ST3GAL3: variants seen among roughly 807,000 people sequenced by gnomAD.
The protein encoded by ST3GAL3 is CMP-N-acetylneuraminate-beta-1,4-galactoside alpha-2,3-sialyltransferase.
ST3GAL3 carries 21 observed loss-of-function variants against 50.1 expected under a neutral mutation model. The ratio of observed to expected loss-of-function variants is 0.42; its 90% CI spans 0.30 to 0.60. The LOEUF is 0.60. ST3GAL3 is among the 20% of genes least tolerant of loss of function. The probability of loss-of-function intolerance (pLI) is 0.19; values close to 1 mark genes in which losing one functional copy is unlikely to be tolerated. For synonymous variants in ST3GAL3, 183 were observed against 190.0 expected, an observed-to-expected ratio of 0.96 and a Z score of 0.30; for missense variants, 353 against 489.4, an observed-to-expected ratio of 0.72 and a Z score of 2.63.
intron 1 of ST3GAL3, among the ~76,000 whole-genome samples, chr1:43,734,309 T>A (rs1486586761): frequency 1.8e-5 from 1 of 54,592 alleles, no homozygotes; most frequent in Non-Finnish European, 3.6e-5. Flanking sequence ...TTTTTTTTTG[T>A]TTTTTTTTTT....
rs1036361309 is a variant in ST3GAL3, at chr1:43,829,996, T to A, written c.210-8223T>A. Among the ~76,000 whole-genome samples, 4 of 9,546 alleles carry A rather than the reference T, an allele frequency of 4.2e-4. No homozygotes were observed. In the East Asian group the frequency reaches 0.022, roughly 54 times the overall value. 6.3% of individuals were successfully genotyped at this position (9,546 alleles called of 152,430 possible). On this transcript the variant is annotated intron_variant, in intron 4 of 11. Transcript: ENST00000347631. Reference sequence around the variant, plus strand: ...AACCCACTGCAAGCATAAAAATTCCTTTTTTTTTTTTTTTTTTTTTTTTTT... The same window carrying A: ...AACCCACTGCAAGCATAAAAATTCCATTTTTTTTTTTTTTTTTTTTTTTTT...
At chr1:43,744,702 A>T (rs1226272602) in intron 2 of ST3GAL3, among the ~76,000 whole-genome samples, 13 of 148,156 alleles carry the variant, frequency 8.8e-5, no homozygotes, top group East Asian at 4.0e-4. Flanking sequence ...TAAAATAAAA[A>T]ATAAAATAAA....
At chr1:43,864,382 A>C (rs984637944) in intron 5 of ST3GAL3, among the ~76,000 whole-genome samples, 26 of 152,314 alleles carry the variant, frequency 1.7e-4, no homozygotes, top group African/African-American at 6.3e-4. Flanking sequence ...CCCTAACCAA[A>C]CTGCAGGCAG....
chr1:43,918,942 C>T (rs1383301965), intron 9 of ST3GAL3, among the ~76,000 whole-genome samples: 1 of 151,782 alleles, frequency 6.6e-6, no homozygotes, highest in African/African-American at 2.4e-5. Context: ...TTTTTTGTTA[C>T]GATTGCAAAT....
intron 2 of ST3GAL3, among the ~76,000 whole-genome samples, chr1:43,781,646 G>T (rs1699387064): frequency 6.6e-6 from 1 of 151,874 alleles, no homozygotes; most frequent in East Asian, 1.9e-4. Context: ...TTAAAGGGTT[G>T]CTAAGCAAAA....
chr1:43,728,953 G>A (rs1214113444), intron 1 of ST3GAL3, among the ~76,000 whole-genome samples: 1 of 152,074 alleles, frequency 6.6e-6, no homozygotes, highest in East Asian at 1.9e-4. Context: ...GCAGTTGCAT[G>A]TTCTCAGCTC....
chr1:43,804,043 G>T (rs1003435855), intron 3 of ST3GAL3, among the ~76,000 whole-genome samples: 1 of 152,208 alleles, frequency 6.6e-6, no homozygotes, highest in African/African-American at 2.4e-5. Flanking sequence ...GAATATGAGT[G>T]CATATTGTGC....
intron 2 of ST3GAL3, among the ~76,000 whole-genome samples, chr1:43,749,281 C>T (rs188689251): frequency 6.6e-6 from 1 of 152,256 alleles, no homozygotes; most frequent in African/African-American, 2.4e-5. Context: ...GCACAAAAAG[C>T]ATTAACCATA....
chr1:43,763,830 A>G (rs1348957763), intron 2 of ST3GAL3, among the ~76,000 whole-genome samples: 2 of 152,148 alleles, frequency 1.3e-5, no homozygotes, highest in Non-Finnish European at 2.9e-5. Flanking sequence ...CTTATGTTCC[A>G]GGCTCCCCTG....
chr1:43,838,506 C>T, intron 5 of ST3GAL3, 195 bp downstream of exon 5: 2 of 598,216 alleles, frequency 3.3e-6, no homozygotes, highest in Non-Finnish European at 6.2e-6. Context: ...CCCATCCTGC[C>T]TCTGGAGCTT....
intron 5 of ST3GAL3, among the ~76,000 whole-genome samples, chr1:43,852,517 T>G (rs2067525223): frequency 6.6e-6 from 1 of 152,210 alleles, no homozygotes; most frequent in African/African-American, 2.4e-5. Flanking sequence ...AGAGGCATGG[T>G]CTATTCATGG....
intron 4 of ST3GAL3, among the ~76,000 whole-genome samples, chr1:43,831,202 G>T (rs984932966): frequency 4.6e-5 from 7 of 152,182 alleles, no homozygotes; most frequent in Non-Finnish European, 7.3e-5. Flanking sequence ...GAAAGTAGGG[G>T]CTTTGGGAAG....
chr1:43,792,265 G>T, intron 3 of ST3GAL3, 116 bp downstream of exon 3: 1 of 1,358,082 alleles, frequency 7.4e-7, no homozygotes. Flanking sequence ...CCAGAATTGG[G>T]GGAAGTCTCA....
chr1:43,811,207 C>A (rs1177732874), intron 3 of ST3GAL3, among the ~76,000 whole-genome samples: 1 of 152,144 alleles, frequency 6.6e-6, no homozygotes, highest in Non-Finnish European at 1.5e-5. Flanking sequence ...CTCACAGTGC[C>A]GGCAGGTGCC....
At chr1:43,902,764 C>T (rs968663224) in intron 9 of ST3GAL3, among the ~76,000 whole-genome samples, 8 of 152,186 alleles carry the variant, frequency 5.3e-5, no homozygotes, top group African/African-American at 1.7e-4. Context: ...AGCTCCGGTG[C>T]AGGTCTTCTC....
chr1:43,855,380 C>T (rs1022829605), intron 5 of ST3GAL3, among the ~76,000 whole-genome samples: 5 of 152,118 alleles, frequency 3.3e-5, no homozygotes, highest in South Asian at 2.1e-4. Flanking sequence ...CCGGCCAAGG[C>T]GGGTGGATCA....
chr1:43,736,014 G>A (rs1400602639), intron 1 of ST3GAL3, among the ~76,000 whole-genome samples: 2 of 152,194 alleles, frequency 1.3e-5, no homozygotes, highest in Non-Finnish European at 2.9e-5. Flanking sequence ...CGGCTGGGGT[G>A]GGGAAGCAAA....
chr1:43,794,778 T>C (rs988313474), intron 3 of ST3GAL3, among the ~76,000 whole-genome samples: 39 of 152,138 alleles, frequency 2.6e-4, no homozygotes, highest in Non-Finnish European at 5.0e-4. Context: ...TGGATAAATA[T>C]TAAAGACATA....
intron 4 of ST3GAL3, among the ~76,000 whole-genome samples, chr1:43,837,633 G>GAT (rs1205516345): frequency 1.3e-5 from 2 of 152,190 alleles, no homozygotes; most frequent in African/African-American, 4.8e-5. Flanking sequence ...TTGGAGCCTT[G>GAT]ATAGAGCTCC....
Sources: allele counts gnomAD v4.1 joint callset (sites outside exome capture counted in the v4.1 genomes callset), GRCh38; gene constraint gnomAD v4.1.1; transcripts MANE v1.5; gene names NCBI Gene and HGNC (gene_info 2026-07-23, HGNC 2026-07-21).